ALDH2: variants seen among roughly 807,000 people sequenced by gnomAD.
The protein encoded by ALDH2 is aldehyde dehydrogenase 2 family member, also known as aldehyde dehydrogenase, mitochondrial.
ALDH2 carries 44 observed loss-of-function variants against 59.6 expected under a neutral mutation model. That is an observed-to-expected ratio of 0.74 (90% confidence interval 0.58 to 0.95). The LOEUF is 0.95. ALDH2 is among the 40% of genes least tolerant of loss of function. The probability of loss-of-function intolerance (pLI) is 0.00; values close to 1 mark genes in which losing one functional copy is unlikely to be tolerated. For missense variants in ALDH2, 570 were observed against 696.3 expected (o/e 0.82, Z 2.04); for synonymous variants, 291 against 284.0 (o/e 1.02, Z -0.25).
intron 9 of ALDH2, among the ~76,000 whole-genome samples, chr12:111,796,284 C>T (rs1365801670): frequency 6.6e-6 from 1 of 151,794 alleles, no homozygotes. Context: ...ATCGTGCCAC[C>T]GCACTCCAGC....
At chr12:111,778,315 T>C (rs1009624391) in intron 1 of ALDH2, among the ~76,000 whole-genome samples, 4 of 150,182 alleles carry the variant, frequency 2.7e-5, no homozygotes, top group Admixed American at 6.6e-5. Flanking sequence ...GAGGCCGAGG[T>C]GAGTGGATCA....
chr12:111,796,576 A>T (rs1229097109), intron 9 of ALDH2, among the ~76,000 whole-genome samples: 1 of 152,150 alleles, frequency 6.6e-6, no homozygotes, highest in Admixed American at 6.6e-5. Context: ...GTAACCACTC[A>T]TGCACACACA....
rs777507942 is a variant in ALDH2, at chr12:111,798,146, G to A, written c.1152G>A (p.Leu384=). 6.2e-7 allele frequency: 1 copy of A among 1,613,662 alleles called. No individual in the cohort carries two copies. Among genetic ancestry groups the A allele is most frequent in the Admixed American group, 1.7e-5 (1 of 59,966 alleles). ...CGGGGAAGCAAGAGGGGGCGAAGCT[G>A]CTGTGTGGTGGGGGCATTGCTGCTG... ...INTGKQEGAK[L]LCGGGIAADR... Residue 384 remains leucine (L), a synonymous_variant, in exon 10 of 13, where the codon CTG becomes CTA. Coordinates refer to ENST00000261733, the MANE Select transcript of ALDH2 (RefSeq NM_000690.4).
In ALDH2 at chr12:111,813,883, G is replaced by A. The variant is rs1593092981; in HGVS notation, c.*4308G>A. On this transcript the variant is annotated 3_prime_UTR_variant, in exon 13 of 13. Transcript: ENST00000261733. ...AAATGTTTTGGAACCAGATACAGGTGGTGGTTGTACAACATTGTGAATTTA... is the reference window on the plus strand; with the variant it reads ...AAATGTTTTGGAACCAGATACAGGTAGTGGTTGTACAACATTGTGAATTTA... 6.6e-6 allele frequency: 1 copy of A among 152,292 alleles called. No individual in the cohort carries two copies. Among genetic ancestry groups the A allele is most frequent in the South Asian group, 2.1e-4 (1 of 4,828 alleles). 9.4% of individuals were successfully genotyped at this position (152,292 alleles called of 1,614,324 possible). A position where few individuals can be genotyped will look rare whatever the true frequency, so the allele number is the denominator to read the frequency against.
At chr12:111,787,643 C>A (rs1031075859) in intron 4 of ALDH2, among the ~76,000 whole-genome samples, 20 of 152,140 alleles carry the variant, frequency 1.3e-4, no homozygotes, top group African/African-American at 4.3e-4. Context: ...CTCCCATAAT[C>A]CCAGCAGTTT....
In ALDH2 at chr12:111,800,050, G is replaced by C. The variant is rs754387972; in HGVS notation, c.1393G>C (p.Ala465Pro). ...KANYLSQALQ[A>P]GTVWVNCYDV... Reference sequence around the variant, plus strand: ...CAATTACCTGTCCCAGGCCCTCCAGGCGGGCACTGTGTGGTAAGAGCCTCC... The same window carrying C: ...CAATTACCTGTCCCAGGCCCTCCAGCCGGGCACTGTGTGGTAAGAGCCTCC... The change falls in exon 11 of 13, where the codon GCG becomes CCG. Residue 465 changes from alanine to proline, a missense_variant. Transcript: ENST00000261733. 2 of 1,612,462 alleles carry C rather than the reference G, an allele frequency of 1.2e-6. No homozygotes were observed. Among genetic ancestry groups the C allele is most frequent in the Non-Finnish European group, 1.7e-6 (2 of 1,179,604 alleles).
chr12:111,803,986 C>T lies in ALDH2; in HGVS notation c.1521+13C>T. 4 of 1,589,792 alleles carry T rather than the reference C, an allele frequency of 2.5e-6. No homozygotes were observed. Among genetic ancestry groups the T allele is most frequent in the Non-Finnish European group, 3.4e-6 (4 of 1,165,638 alleles). The stretch of plus-strand genomic sequence containing the variant: ...TGAAGTGAAAACTGTGAGTGTGGGA[C>T]CTGCTGGGGGCTCAGGGCCTGTTGG... On this transcript the variant is annotated intron_variant, in intron 12 of 12. Transcript: ENST00000261733.
At chr12:111,771,138 G>A (rs1171009749) in intron 1 of ALDH2, among the ~76,000 whole-genome samples, 3 of 152,042 alleles carry the variant, frequency 2.0e-5, no homozygotes, top group East Asian at 3.9e-4. Flanking sequence ...GCTCACAGCT[G>A]TAATCCCAGC....
At chr12:111,803,619 C>T (rs2068471077) in intron 11 of ALDH2, among the ~76,000 whole-genome samples, 1 of 151,852 alleles carries the variant, frequency 6.6e-6, no homozygotes, top group Non-Finnish European at 1.5e-5. Context: ...TGCTGGTAGT[C>T]CAGCTACTCA....
At position 111,794,432 on chromosome 12, in the gene ALDH2, C is replaced by T. The variant is rs137865762; in HGVS notation, c.1083+1650C>T. Among the ~76,000 whole-genome samples the T allele has an allele frequency of 9.2e-3, 1,400 of 152,272 alleles. 20 individuals carry two copies. Among genetic ancestry groups the T allele is most frequent in the African/African-American group, 0.032 (1,336 of 41,556 alleles). ...TTTTAGCAGTTTGCATTTCTGATTC[C>T]TCAGTGGGGAGCCACAGCCATGTCT... On this transcript the variant is annotated intron_variant, in intron 9 of 12. Transcript: ENST00000261733.
chr12:111,772,554 GGTTTCACCAT>G (rs2068207550), intron 1 of ALDH2, among the ~76,000 whole-genome samples: 2 of 151,942 alleles, frequency 1.3e-5, no homozygotes, highest in African/African-American at 2.4e-5. Context: ...GTAGAGTTGG[GGTTTCACCAT>G]GTTGGCCAGG....
intron 1 of ALDH2, among the ~76,000 whole-genome samples, chr12:111,777,729 G>A (rs1191204248): frequency 2.0e-5 from 3 of 152,060 alleles, no homozygotes; most frequent in East Asian, 1.9e-4. Flanking sequence ...GCCCAGGCAC[G>A]GCATAGTCCA....
At chr12:111,793,529 T>C (rs541424166) in intron 9 of ALDH2, among the ~76,000 whole-genome samples, 3 of 152,182 alleles carry the variant, frequency 2.0e-5, no homozygotes, top group East Asian at 1.9e-4. Flanking sequence ...TCTGTTAGTA[T>C]TGATGAGCCA....
chr12:111,794,835 T>C (rs1457283651), intron 9 of ALDH2, among the ~76,000 whole-genome samples: 1 of 152,142 alleles, frequency 6.6e-6, no homozygotes, highest in Non-Finnish European at 1.5e-5. Context: ...AATAGCTTTA[T>C]TGAGATATAA....
In ALDH2 at chr12:111,792,739, T is replaced by C. The variant is rs774840012; in HGVS notation, c.1040T>C (p.Val347Ala). 40 of 1,564,642 alleles carry C rather than the reference T, an allele frequency of 2.6e-5. No homozygotes were observed. The highest frequency in any genetic ancestry group is 4.1e-5 in the African/African-American group (3 of 72,956). The change falls in exon 9 of 13, where the codon GTG becomes GCG. Residue 347 changes from valine (V) to alanine (A), a missense_variant. Coordinates refer to ENST00000261733, the MANE Select transcript of ALDH2 (RefSeq NM_000690.4). ...ERSVARAKSR[V>A]VGNPFDSKTE... ...AGCGTTGCCCGGGCCAAGTCTCGGG[T>C]GGTCGGGAACCCCTTTGATAGCAAG...
At chr12:111,797,652 C>T (rs2068416265) in intron 9 of ALDH2, among the ~76,000 whole-genome samples, 1 of 151,834 alleles carries the variant, frequency 6.6e-6, no homozygotes, top group Non-Finnish European at 1.5e-5. Flanking sequence ...TATCCTTGTT[C>T]ATTTCTCTTT....
At chr12:111,775,640 G>A (rs2068229514) in intron 1 of ALDH2, 1 of 455,824 alleles carries the variant, frequency 2.2e-6, no homozygotes, top group Non-Finnish European at 4.4e-6. Context: ...ACATCACTGT[G>A]CTTCTGGAAA....
intron 10 of ALDH2, among the ~76,000 whole-genome samples, chr12:111,798,990 C>G (rs1482058737): frequency 6.6e-6 from 1 of 151,820 alleles, no homozygotes; most frequent in East Asian, 2.0e-4. Context: ...GCCTAGGCAA[C>G]AGAGCGGGAC....
At chr12:111,767,597 C>G (rs529520609) in intron 1 of ALDH2, among the ~76,000 whole-genome samples, 1 of 152,194 alleles carries the variant, frequency 6.6e-6, no homozygotes, top group Non-Finnish European at 1.5e-5. Context: ...AGGCCACGCT[C>G]GGCTGCTTCC....
Sources: gnomAD v4.1 joint callset for allele counts (sites outside exome capture counted in the v4.1 genomes callset) on GRCh38, gnomAD v4.1.1 for gene constraint, MANE v1.5 for transcripts, NCBI Gene and HGNC (gene_info 2026-07-23, HGNC 2026-07-21) for gene names.